The following PIK3R6 variants were observed in gnomAD, a reference collection of about 807,000 sequenced individuals.
PIK3R6 encodes phosphoinositide 3-kinase regulatory subunit 6.
Under a neutral mutation model 84.9 loss-of-function variants are expected in PIK3R6, and 91 were observed. The observed-to-expected ratio is 1.07, with a 90% CI of 0.90 to 1.28. PIK3R6 has a LOEUF of 1.28. PIK3R6 is among the 50% of genes most tolerant of loss of function. The pLI is 0.00. For missense variants in PIK3R6, 996 were observed against 985.1 expected, an observed-to-expected ratio of 1.01 and a Z score of -0.15; for synonymous variants, 416 against 411.4, an observed-to-expected ratio of 1.01 and a Z score of -0.13.
intron 13 of PIK3R6, among the ~76,000 whole-genome samples, chr17:8,825,558 TA>T (rs2087889521): frequency 6.6e-6 from 1 of 152,240 alleles, no homozygotes; most frequent in East Asian, 1.9e-4. Flanking sequence ...CAAGTACACG[TA>T]AGTATTTAGC....
In PIK3R6 at chr17:8,821,944, G is replaced by A. The variant is rs764637394; in HGVS notation, c.1789-8C>T. On this transcript the variant is annotated splice_polypyrimidine_tract_variant and splice_region_variant and intron_variant, in intron 16 of 19. Coordinates refer to ENST00000619866, the MANE Select transcript of PIK3R6 (RefSeq NM_001010855.4). ...CCGGTGGCTAAGCAAGGCCTGAGGAGGGGGATCGAGGAACAGGTGGAGGTG... is the reference window on the plus strand; with the variant it reads ...CCGGTGGCTAAGCAAGGCCTGAGGAAGGGGATCGAGGAACAGGTGGAGGTG... The A allele has an allele frequency of 3.2e-5, 50 of 1,565,874 alleles. No homozygotes were observed. In the African/African-American group the frequency reaches 5.6e-4, roughly 17 times the overall value.
Position 8,803,010 on chromosome 17 carries a change from G to T in PIK3R6, c.*263C>A. The T allele has an allele frequency of 2.1e-6, 1 of 470,208 alleles. No homozygotes were observed. 29.1% of individuals were successfully genotyped at this position (470,208 alleles called of 1,614,324 possible). On this transcript the variant is annotated 3_prime_UTR_variant, in exon 20 of 20. Coordinates refer to ENST00000619866, the MANE Select transcript of PIK3R6 (RefSeq NM_001010855.4). The surrounding 1 kb of genome is among the most constrained non-coding windows in gnomAD (Gnocchi z 5.0). ...GTGGGAATTGAAGCTAAATGAAGGAGTAGACATTTGTATGAGAAGCTGGGC... is the reference window on the plus strand; with the variant it reads ...GTGGGAATTGAAGCTAAATGAAGGATTAGACATTTGTATGAGAAGCTGGGC...
rs28446092 is a variant in PIK3R6 at position 8,803,426 on chromosome 17, G to C, written c.2112C>G (p.Phe704Leu). The change falls in exon 20 of 20, where the codon TTC (phenylalanine) becomes TTG (leucine). Residue 704 changes from phenylalanine (F) to leucine (L), a missense_variant. Transcript: ENST00000619866. The surrounding 1 kb of genome is among the most constrained non-coding windows in gnomAD (Gnocchi z 5.0). ...DQRTFRDVVR[F>L]EVAPCPEPCS... ...ATGGTTCTGGGCAGGGAGCAACCTCGAATCTGTGGGTGGAGAGAGACCAGC... is the reference window on the plus strand; with the variant it reads ...ATGGTTCTGGGCAGGGAGCAACCTCCAATCTGTGGGTGGAGAGAGACCAGC... The C allele has an allele frequency of 6.2e-7, 1 of 1,601,326 alleles. No homozygotes were observed. Among genetic ancestry groups the C allele is most frequent in the Non-Finnish European group, 8.5e-7 (1 of 1,174,174 alleles).
rs2088798695 is a variant in PIK3R6, at chr17:8,845,681, T to C, written c.13+4101A>G. Among the ~76,000 whole-genome samples the C allele has an allele frequency of 2.0e-5, 3 of 152,142 alleles. No individual in the cohort carries two copies. In the South Asian group the frequency reaches 6.2e-4, roughly 31 times the overall value. On this transcript the variant is annotated intron_variant, in intron 2 of 19. Transcript: ENST00000619866. ...TTTAGTGTAGGCCAGGCACGGTGGCTCATGCCTGTAATCCCAGCACTTTGG... is the reference window on the plus strand; with the variant it reads ...TTTAGTGTAGGCCAGGCACGGTGGCCCATGCCTGTAATCCCAGCACTTTGG...
At chr17:8,840,784 A>C (rs2088653398) in intron 2 of PIK3R6, among the ~76,000 whole-genome samples, 1 of 150,312 alleles carries the variant, frequency 6.7e-6, no homozygotes, top group Admixed American at 6.7e-5. Context: ...ACGGAGTCTA[A>C]CTCTGTCATC....
rs1477879546 is a variant in PIK3R6, at chr17:8,828,098, C to G, written c.1392+14G>C. ...TGTCTCTGCCCCGCCACCGCCTCCC[C>G]GCGGTCCAGTCACCTCAGGCGCCAG... On this transcript the variant is annotated intron_variant, in intron 12 of 19. Transcript: ENST00000619866. 1.2e-6 allele frequency: 2 copies of G among 1,613,246 alleles called. No individual in the cohort carries two copies. Among genetic ancestry groups the G allele is most frequent in the Admixed American group, 3.3e-5 (2 of 60,012 alleles).
intron 2 of PIK3R6, among the ~76,000 whole-genome samples, chr17:8,846,707 A>G (rs2088822408): frequency 6.6e-6 from 1 of 152,052 alleles, no homozygotes; most frequent in Non-Finnish European, 1.5e-5. Flanking sequence ...TTTAAACAGC[A>G]CTTGAAAGGC....
chr17:8,861,059 G>A (rs1432449209), intron 1 of PIK3R6, among the ~76,000 whole-genome samples: 1 of 151,998 alleles, frequency 6.6e-6, no homozygotes, highest in South Asian at 2.1e-4. Context: ...CCTGGGTGTG[G>A]TGGTCCCAGC....
At chr17:8,805,168 G>C (rs2087166190) in intron 18 of PIK3R6, among the ~76,000 whole-genome samples, 1 of 152,174 alleles carries the variant, frequency 6.6e-6, no homozygotes, top group Non-Finnish European at 1.5e-5. Flanking sequence ...TAGTCTCTAA[G>C]CCAGGCTGCC....
chr17:8,837,786 C>T lies in PIK3R6; in HGVS notation c.258+17G>A. 6.2e-7 allele frequency: 1 copy of T among 1,609,290 alleles called. No individual in the cohort carries two copies. The highest frequency in any genetic ancestry group is 8.5e-7 in the Non-Finnish European group (1 of 1,176,116). ...TGCAGGTCACCACTACCACCTCGAC[C>T]TCAGTCCCCAGCTCACCTTGGTGAG... On this transcript the variant is annotated intron_variant, in intron 5 of 19. Transcript: ENST00000619866.
rs781493649 is a variant in PIK3R6, at chr17:8,849,770, C to A, written c.13+12G>T. On this transcript the variant is annotated intron_variant, in intron 2 of 19. Transcript: ENST00000619866. ...CAGGCTCACTAGACCCCTTTCCCCCCACCACACTGACCTGAGCTCTCCATG... is the reference window on the plus strand; with the variant it reads ...CAGGCTCACTAGACCCCTTTCCCCCAACCACACTGACCTGAGCTCTCCATG... The A allele has an allele frequency of 8.7e-6, 14 of 1,611,520 alleles. No homozygotes were observed. Among genetic ancestry groups the A allele is most frequent in the Admixed American group, 3.3e-5 (2 of 59,796 alleles).
At chr17:8,832,862 A>G in intron 9 of PIK3R6, 27 bp downstream of exon 9, 3 of 1,611,806 alleles carry the variant, frequency 1.9e-6, no homozygotes, top group Non-Finnish European at 2.5e-6. Flanking sequence ...GACTCTTGCC[A>G]AGGCCCCCCA....
chr17:8,843,251 G>A (rs1340799508), intron 2 of PIK3R6, among the ~76,000 whole-genome samples: 1 of 152,078 alleles, frequency 6.6e-6, no homozygotes, highest in East Asian at 1.9e-4. Flanking sequence ...AAAATTAGCT[G>A]GTGCTAAGTC....
chr17:8,803,292 A>G lies in PIK3R6; in HGVS notation c.2246T>C (p.Phe749Ser). The change falls in exon 20 of 20, where the codon TTC (phenylalanine) becomes TCC (serine). Residue 749 changes from phenylalanine (F) to serine (S), a missense_variant. Phe to Ser is a radical substitution (Grantham distance 155). Coordinates refer to ENST00000619866, the MANE Select transcript of PIK3R6 (RefSeq NM_001010855.4). This position sits in a 1 kb window ranked among gnomAD's most constrained non-coding sequence, Gnocchi z 5.0. ...GCAGGCTCACTGGACAATACCAGAG[A>G]ATGTGTTGATGGGCATCAGAAGGGG... ...PKPLLMPINT[F>S]SGIVQ 1 of 1,612,554 alleles carries G rather than the reference A, an allele frequency of 6.2e-7. No individual in the cohort carries two copies. Among genetic ancestry groups the G allele is most frequent in the Non-Finnish European group, 8.5e-7 (1 of 1,179,796 alleles).
At chr17:8,832,581 C>T (rs71371872) in intron 9 of PIK3R6, among the ~76,000 whole-genome samples, 7,322 of 148,396 alleles carry the variant, frequency 0.049, 414 homozygotes, top group African/African-American at 0.13. Flanking sequence ...AAACCCTCTA[C>T]TACTTTAGTA....
Position 8,803,392 on chromosome 17 carries a change from C to A in PIK3R6, c.2146G>T (p.Ala716Ser), listed in dbSNP as rs374919111. Reference sequence around the variant, plus strand: ...AGCCACGGTGCCTTGGACTTCTGGGCCCCAGAACATGGTTCTGGGCAGGGA... The same window carrying A: ...AGCCACGGTGCCTTGGACTTCTGGGACCCAGAACATGGTTCTGGGCAGGGA... ...VAPCPEPCSG[A>S]QKSKAPWLNL... Residue 716 changes from alanine to serine, a missense_variant, in exon 20 of 20, where the codon GCC becomes TCC. By Grantham distance (99) the Ala-to-Ser change is moderately conservative. Coordinates refer to ENST00000619866, the MANE Select transcript of PIK3R6 (RefSeq NM_001010855.4). This position sits in a 1 kb window ranked among gnomAD's most constrained non-coding sequence, Gnocchi z 5.0. The A allele has an allele frequency of 2.5e-6, 4 of 1,612,754 alleles. No individual in the cohort carries two copies. The highest frequency in any genetic ancestry group is 2.2e-5 in the South Asian group (2 of 90,902).
At chr17:8,835,510 G>A in intron 7 of PIK3R6, 54 bp from the exon 8 acceptor site, 2 of 1,450,850 alleles carry the variant, frequency 1.4e-6, no homozygotes, top group Non-Finnish European at 1.9e-6. Flanking sequence ...AATGGGAGAG[G>A]GGCCACCGGA....
intron 10 of PIK3R6, among the ~76,000 whole-genome samples, chr17:8,829,285 G>A (rs940120678): frequency 2.8e-4 from 31 of 109,464 alleles, no homozygotes; most frequent in African/African-American, 4.2e-4. Context: ...ACACACACAC[G>A]CATCATGCAT....
chr17:8,819,939 T>A lies in PIK3R6; in HGVS notation c.1880-741A>T, dbSNP rs1022959047. On this transcript the variant is annotated intron_variant, in intron 17 of 19. Transcript: ENST00000619866. ...ATATATTTTATATATATATATATAT[T>A]TTTATATATATATATATTTTTTTTT... Among the ~76,000 whole-genome samples the A allele has an allele frequency of 3.2e-4, 38 of 116,998 alleles. No individual in the cohort carries two copies. In the East Asian group the frequency reaches 3.5e-3, roughly 11 times the overall value. The allele number at this position is 116,998 out of a possible 152,430, so 76.8% of individuals were successfully genotyped here.
Sources: allele counts gnomAD v4.1 joint callset (sites outside exome capture counted in the v4.1 genomes callset), GRCh38; gene constraint gnomAD v4.1.1; non-coding constraint Gnocchi (gnomAD v3.1); transcripts MANE v1.5; gene names NCBI Gene and HGNC (gene_info 2026-07-23, HGNC 2026-07-21).